RUNDC3B: variants seen among roughly 807,000 people sequenced by gnomAD.
The protein encoded by RUNDC3B is RUN domain containing 3B.
A neutral mutation model predicts 58.4 loss-of-function variants in RUNDC3B; 33 were observed. The ratio of observed to expected loss-of-function variants is 0.56; its 90% CI spans 0.43 to 0.75. The LOEUF (loss-of-function observed/expected upper bound fraction) is 0.75, where lower values mean the gene tolerates loss of function less well. RUNDC3B is among the 30% of genes least tolerant of loss of function. The pLI, the probability that RUNDC3B is intolerant of heterozygous loss-of-function variation, is 0.00. For synonymous variants in RUNDC3B, 193 were observed against 195.2 expected, an observed-to-expected ratio of 0.99 and a Z score of 0.10; for missense variants, 501 against 535.7, an observed-to-expected ratio of 0.94 and a Z score of 0.64.
intron 7 of RUNDC3B, 34 bp downstream of exon 7, chr7:87,770,783 A>G: frequency 6.8e-7 from 1 of 1,471,328 alleles, no homozygotes; most frequent in Non-Finnish European, 9.4e-7. Flanking sequence ...ACTTAATTTT[A>G]TTCTAGTTAT....
chr7:87,636,151 G>T (rs920614434), intron 1 of RUNDC3B, among the ~76,000 whole-genome samples: 11 of 152,198 alleles, frequency 7.2e-5, no homozygotes, highest in Non-Finnish European at 1.3e-4. Flanking sequence ...TTCAGTAGAT[G>T]TGAAAGTTTT....
chr7:87,651,802 A>G (rs1333148625), intron 2 of RUNDC3B, among the ~76,000 whole-genome samples: 3 of 152,142 alleles, frequency 2.0e-5, no homozygotes, highest in Non-Finnish European at 4.4e-5. Flanking sequence ...GTTGAGCAGT[A>G]CTGTGGGCCC....
At chr7:87,689,131 T>C (rs920702800) in intron 2 of RUNDC3B, among the ~76,000 whole-genome samples, 2 of 152,064 alleles carry the variant, frequency 1.3e-5, no homozygotes, top group African/African-American at 4.8e-5. Flanking sequence ...AAGATGATAC[T>C]ATGAAAAGAG....
At chr7:87,662,222 G>C (rs1265080061) in intron 2 of RUNDC3B, among the ~76,000 whole-genome samples, 2 of 151,998 alleles carry the variant, frequency 1.3e-5, no homozygotes, top group African/African-American at 4.8e-5. Flanking sequence ...TTTGTTGATT[G>C]TTTACTTTGC....
chr7:87,634,521 C>T (rs1010025034), intron 1 of RUNDC3B, among the ~76,000 whole-genome samples: 27 of 147,368 alleles, frequency 1.8e-4, no homozygotes, highest in Admixed American at 8.1e-4. Flanking sequence ...GTAATTCCAG[C>T]GGGAGGCTGA....
At chr7:87,668,788 G>C (rs1002262695) in intron 2 of RUNDC3B, among the ~76,000 whole-genome samples, 1 of 152,172 alleles carries the variant, frequency 6.6e-6, no homozygotes, top group African/African-American at 2.4e-5. Flanking sequence ...GCATGGTTCT[G>C]AGTGATTTTC....
chr7:87,717,709 A>G (rs192751277), intron 4 of RUNDC3B, among the ~76,000 whole-genome samples: 182 of 152,252 alleles, frequency 1.2e-3, no homozygotes, highest in African/African-American at 4.2e-3. Flanking sequence ...CTCAAAATCA[A>G]TCATTAAGCC....
At chr7:87,744,998 G>A (rs931778584) in intron 6 of RUNDC3B, among the ~76,000 whole-genome samples, 2 of 151,990 alleles carry the variant, frequency 1.3e-5, no homozygotes, top group African/African-American at 4.8e-5. Flanking sequence ...CTTGTATGCC[G>A]ATTTTGCTGA....
intron 1 of RUNDC3B, among the ~76,000 whole-genome samples, chr7:87,648,907 A>G (rs563512691): frequency 2.0e-4 from 31 of 152,162 alleles, no homozygotes; most frequent in Middle Eastern, 6.8e-3. Context: ...TAATATGGTG[A>G]ATACTAGATA....
intron 4 of RUNDC3B, among the ~76,000 whole-genome samples, chr7:87,733,381 C>A (rs1831715617): frequency 6.6e-6 from 1 of 152,188 alleles, no homozygotes; most frequent in Non-Finnish European, 1.5e-5. Flanking sequence ...AGCATTTCAT[C>A]TTTTATTCTG....
chr7:87,694,929 A>G (rs1828372129), intron 2 of RUNDC3B, among the ~76,000 whole-genome samples: 2 of 152,158 alleles, frequency 1.3e-5, no homozygotes, highest in African/African-American at 2.4e-5. Context: ...CATACTTTAG[A>G]TATTTGTATA....
At chr7:87,685,471 T>G (rs909962009) in intron 2 of RUNDC3B, among the ~76,000 whole-genome samples, 1 of 152,124 alleles carries the variant, frequency 6.6e-6, no homozygotes, top group Admixed American at 6.6e-5. Context: ...GATAAACTGT[T>G]GTATGTTCAT....
intron 2 of RUNDC3B, among the ~76,000 whole-genome samples, chr7:87,679,397 A>G (rs1005931291): frequency 2.7e-5 from 4 of 148,318 alleles, no homozygotes. Context: ...CCGGCCCCCA[A>G]CTTTTTTTTA....
chr7:87,815,115 C>T (rs1836960264), intron 9 of RUNDC3B, among the ~76,000 whole-genome samples: 2 of 151,528 alleles, frequency 1.3e-5, no homozygotes, highest in Admixed American at 6.6e-5. Context: ...TGAATGGAGT[C>T]GTGAATTAAC....
chr7:87,820,674 A>G (rs1837368990), intron 10 of RUNDC3B, among the ~76,000 whole-genome samples: 1 of 152,146 alleles, frequency 6.6e-6, no homozygotes, highest in African/African-American at 2.4e-5. Context: ...GCAGCACATC[A>G]AAAAGCTTAT....
intron 6 of RUNDC3B, among the ~76,000 whole-genome samples, chr7:87,749,071 G>A (rs1245239100): frequency 6.6e-6 from 1 of 152,200 alleles, no homozygotes; most frequent in Non-Finnish European, 1.5e-5. Context: ...TTAAGGCAGA[G>A]TGGGTAAAAT....
chr7:87,715,034 G>A (rs10232449), intron 4 of RUNDC3B, among the ~76,000 whole-genome samples: 7,295 of 151,312 alleles, frequency 0.048, 262 homozygotes, highest in East Asian at 0.091. Context: ...TTATTCTGTA[G>A]CAATAGTTTC....
At chr7:87,794,911 A>G (rs1315065186) in intron 8 of RUNDC3B, among the ~76,000 whole-genome samples, 1 of 152,208 alleles carries the variant, frequency 6.6e-6, no homozygotes, top group Non-Finnish European at 1.5e-5. Flanking sequence ...AATAAACCAG[A>G]TATCCGTATA....
At position 87,729,712 on chromosome 7, in the gene RUNDC3B, C is replaced by T. The variant is rs117541684; in HGVS notation, c.459-10079C>T. ...GCTGGGCTTGAAGTTAGTGGATATT[C>T]GGTGGAGATGACCTAGTGAAACACC... On this transcript the variant is annotated intron_variant, in intron 4 of 10. Transcript: ENST00000394654. Among the ~76,000 whole-genome samples, 2,144 of 152,238 alleles carry T rather than the reference C, an allele frequency of 0.014. 209 individuals are homozygous for T. In the East Asian group the frequency reaches 0.25, roughly 17 times the overall value.
Sources: allele counts gnomAD v4.1 joint callset (sites outside exome capture counted in the v4.1 genomes callset), GRCh38; gene constraint gnomAD v4.1.1; transcripts MANE v1.5; gene names NCBI Gene and HGNC (gene_info 2026-07-23, HGNC 2026-07-21).